CHST8: variants seen among roughly 807,000 people sequenced by gnomAD.
CHST8 encodes carbohydrate sulfotransferase 8.
CHST8 carries 10 observed loss-of-function variants against 15.0 expected under a neutral mutation model. That is an observed-to-expected ratio of 0.67 (90% CI 0.41 to 1.13). The LOEUF (loss-of-function observed/expected upper bound fraction) is 1.13. CHST8 is among the 50% of genes most tolerant of loss of function. The pLI is 0.00. For missense variants in CHST8, 634 were observed against 608.2 expected, an observed-to-expected ratio of 1.04 and a Z score of -0.45; for synonymous variants, 259 against 256.6, an observed-to-expected ratio of 1.01 and a Z score of -0.09.
chr19:33,762,349 A>G (rs937655817), intron 3 of CHST8, among the ~76,000 whole-genome samples: 38 of 152,356 alleles, frequency 2.5e-4, no homozygotes, highest in African/African-American at 8.4e-4. Flanking sequence ...CTGGCTGACC[A>G]GCTGACCGGC....
chr19:33,765,622 CGCGA>C (rs1974824248), intron 3 of CHST8, among the ~76,000 whole-genome samples: 2 of 151,586 alleles, frequency 1.3e-5, no homozygotes, highest in Non-Finnish European at 2.9e-5. Flanking sequence ...AGTGTAGTGG[CGCGA>C]TCTCCGCTCA....
intron 1 of CHST8, among the ~76,000 whole-genome samples, chr19:33,644,422 C>G (rs549061745): frequency 2.8e-3 from 431 of 152,128 alleles, no homozygotes; most frequent in Non-Finnish European, 4.9e-3. Flanking sequence ...GGGCAGCAGA[C>G]AGTGAACACT....
At chr19:33,765,174 C>A (rs866470193) in intron 3 of CHST8, among the ~76,000 whole-genome samples, 17 of 151,370 alleles carry the variant, frequency 1.1e-4, no homozygotes, top group South Asian at 8.3e-4. Flanking sequence ...GGAGAAGAGA[C>A]ACACGTGTGC....
chr19:33,684,862 G>T (rs1458634795), intron 2 of CHST8: 1 of 152,200 alleles, frequency 6.6e-6, no homozygotes, highest in South Asian at 2.1e-4. Flanking sequence ...TCAAGGTGAC[G>T]GCAGTGCCTG....
chr19:33,726,838 G>A (rs748710419), intron 3 of CHST8, among the ~76,000 whole-genome samples: 21 of 152,004 alleles, frequency 1.4e-4, no homozygotes, highest in Non-Finnish European at 2.8e-4. Flanking sequence ...AGTGCATGCC[G>A]GCAACCCAGC....
intron 3 of CHST8, among the ~76,000 whole-genome samples, chr19:33,704,996 G>GTTT (rs1285894750): frequency 6.6e-6 from 1 of 152,024 alleles, no homozygotes; most frequent in Non-Finnish European, 1.5e-5. Context: ...TTTGGAATGT[G>GTTT]TTTTTTAACG....
intron 3 of CHST8, among the ~76,000 whole-genome samples, chr19:33,749,618 AG>A (rs1974376748): frequency 6.6e-6 from 1 of 151,888 alleles, no homozygotes; most frequent in African/African-American, 2.4e-5. Flanking sequence ...TCTGCCTCTA[AG>A]TCCCTGGGTG....
intron 3 of CHST8, among the ~76,000 whole-genome samples, chr19:33,730,086 G>A (rs1419286919): frequency 1.3e-5 from 2 of 152,194 alleles, no homozygotes; most frequent in Non-Finnish European, 2.9e-5. Flanking sequence ...GGAGCACTGG[G>A]GGTGTGCATC....
chr19:33,648,720 G>T (rs1299418713), intron 1 of CHST8, among the ~76,000 whole-genome samples: 2 of 152,056 alleles, frequency 1.3e-5, no homozygotes, highest in African/African-American at 2.4e-5. Flanking sequence ...ATACCCAAGA[G>T]AAATGAAAAT....
At position 33,738,266 on chromosome 19, in the gene CHST8, T is replaced by C. The variant is rs896953307; in HGVS notation, c.131-33147T>C. On this transcript the variant is annotated intron_variant, in intron 3 of 4. Coordinates refer to ENST00000650847, the MANE Select transcript of CHST8 (RefSeq NM_001127895.2). ...TTGCCTGGAAAAATTTTGCAGCATT[T>C]GACCTCTGCCTTTCACTGAGTCATT... is the stretch of plus-strand genomic sequence containing the variant. Among the ~76,000 whole-genome samples, 2 of 152,222 alleles carry C rather than the reference T, an allele frequency of 1.3e-5. 1 individual carries two copies. Among genetic ancestry groups the C allele is most frequent in the Admixed American group, 1.3e-4 (2 of 15,294 alleles).
intron 3 of CHST8, among the ~76,000 whole-genome samples, chr19:33,719,767 T>G (rs1423613285): frequency 1.3e-5 from 2 of 150,532 alleles, no homozygotes; most frequent in African/African-American, 4.9e-5. Context: ...AAAAATCACA[T>G]GCAGTCGGAC....
intron 3 of CHST8, among the ~76,000 whole-genome samples, chr19:33,770,878 A>G (rs1974966515): frequency 6.6e-6 from 1 of 152,220 alleles, no homozygotes; most frequent in Non-Finnish European, 1.5e-5. Flanking sequence ...TCCTGTAGCA[A>G]GAGGAGAAGA....
intron 3 of CHST8, among the ~76,000 whole-genome samples, chr19:33,753,242 T>A (rs1025115346): frequency 6.6e-6 from 1 of 151,886 alleles, no homozygotes; most frequent in Non-Finnish European, 1.5e-5. Flanking sequence ...AGCTTCTCCA[T>A]CTCTGCTCCT....
intron 3 of CHST8, among the ~76,000 whole-genome samples, chr19:33,693,067 T>A (rs1302620956): frequency 1.3e-5 from 2 of 150,788 alleles, no homozygotes; most frequent in Non-Finnish European, 3.0e-5. Context: ...AGTGCAATGG[T>A]GCGATCTCAG....
intron 3 of CHST8, among the ~76,000 whole-genome samples, chr19:33,763,234 C>T (rs995126454): frequency 2.0e-5 from 3 of 152,206 alleles, no homozygotes; most frequent in African/African-American, 7.2e-5. Context: ...TGGTCCTCCG[C>T]GTGGTCCACA....
intron 3 of CHST8, among the ~76,000 whole-genome samples, chr19:33,711,595 G>C (rs547113742): frequency 5.3e-5 from 8 of 152,300 alleles, no homozygotes; most frequent in Admixed American, 3.3e-4. Flanking sequence ...AGAAGTAGTA[G>C]TAAGGAAATA....
In CHST8 at chr19:33,757,422, GA is replaced by G. The variant is rs1332126238; in HGVS notation, c.131-13988del. ...AGAAAGAAAGAAAGAAAGAAAGAAA[GA>G]AAGAAAGAAAGAAAGAAAGAAAGAA... On this transcript the variant is annotated intron_variant, in intron 3 of 4. Transcript: ENST00000650847. Among the ~76,000 whole-genome samples, 54 of 15,926 alleles carry G rather than the reference GA, an allele frequency of 3.4e-3. 6 individuals carry two copies. The highest frequency in any genetic ancestry group is 5.7e-3 in the Non-Finnish European group (48 of 8,430). The allele number at this position is 15,926 out of a possible 152,430, so 10.4% of individuals were successfully genotyped here. A position where few individuals can be genotyped will look rare whatever the true frequency, so the allele number is the denominator to read the frequency against.
Position 33,708,248 on chromosome 19 carries a change from T to C in CHST8, c.130+18857T>C, listed in dbSNP as rs536150881. Among the ~76,000 whole-genome samples the C allele has an allele frequency of 2.4e-4, 37 of 152,354 alleles. 1 individual carries two copies. In the South Asian group the frequency reaches 5.0e-3, roughly 20 times the overall value. ...AGTTTCTAAATTTGAAAAAGTGCAA[T>C]TCAACATGTTTTTCGTTGATGGATT... is the stretch of plus-strand genomic sequence containing the variant. On this transcript the variant is annotated intron_variant, in intron 3 of 4. Coordinates refer to ENST00000650847, the MANE Select transcript of CHST8 (RefSeq NM_001127895.2).
At chr19:33,657,732 C>T (rs930489055) in intron 1 of CHST8, among the ~76,000 whole-genome samples, 4 of 152,004 alleles carry the variant, frequency 2.6e-5, no homozygotes, top group Admixed American at 1.3e-4. Context: ...CCATACTCAA[C>T]TAATATTTTA....
Sources: allele counts gnomAD v4.1 joint callset (sites outside exome capture counted in the v4.1 genomes callset), GRCh38; gene constraint gnomAD v4.1.1; transcripts MANE v1.5; gene names NCBI Gene and HGNC (gene_info 2026-07-23, HGNC 2026-07-21).